The following ZNF34 variants were observed in gnomAD, a reference collection of about 807,000 sequenced individuals.
ZNF34 encodes zinc finger protein 34.
A neutral mutation model predicts 14.4 loss-of-function variants in ZNF34; 8 were observed. The ratio of observed to expected loss-of-function variants is 0.55; its 90% CI spans 0.33 to 1.00. The LOEUF is 1.00. Among genes scored for constraint, ZNF34 ranks in the 50% least tolerant of loss-of-function variants. The pLI, the probability that ZNF34 is intolerant of heterozygous loss-of-function variation, is 0.03. For synonymous variants in ZNF34, 235 were observed against 247.9 expected, an observed-to-expected ratio of 0.95 and a Z score of 0.49; for missense variants, 538 against 674.2, an observed-to-expected ratio of 0.80 and a Z score of 2.24.
At position 144,773,486 on chromosome 8, in the gene ZNF34, G is replaced by C. The variant is rs267601830; in HGVS notation, c.1400C>G (p.Ser467Cys). The C allele has an allele frequency of 1.2e-6, 2 of 1,614,100 alleles. No individual in the cohort carries two copies. Among genetic ancestry groups the C allele is most frequent in the Non-Finnish European group, 1.7e-6 (2 of 1,180,028 alleles). Residue 467 changes from serine (S) to cysteine (C), a missense_variant, in exon 6 of 6, where the codon TCC becomes TGC. This residue lies in a region of ZNF34 where 101 missense variants were observed against 123.1 expected (regional missense o/e 0.82). Coordinates refer to ENST00000429371, the MANE Select transcript of ZNF34 (RefSeq NM_001286769.2). This position sits in a 1 kb window ranked among gnomAD's most constrained non-coding sequence, Gnocchi z 5.4. ...CAGCCTCTGGTGGTGGATGAGTCTG[G>C]AACTGTTGTGGAAGGCCTTCCCACA... ...SECGKAFHNS[S>C]RLIHHQRLHH... is the part of the protein sequence containing the mutation.
intron 5 of ZNF34, among the ~76,000 whole-genome samples, chr8:144,775,919 C>T (rs1825485111): frequency 6.6e-6 from 1 of 152,230 alleles, no homozygotes; most frequent in African/African-American, 2.4e-5. Context: ...TCAGAGCTAT[C>T]CAATCTTTTG....
Position 144,774,389 on chromosome 8 carries a change from C to A in ZNF34, c.497G>T (p.Arg166Ile), listed in dbSNP as rs1825366319. 5 of 1,613,440 alleles carry A rather than the reference C, an allele frequency of 3.1e-6. No individual in the cohort carries two copies. In the South Asian group the frequency reaches 4.4e-5, roughly 14 times the overall value. ...GTGAGGTCTCTGATCAGGAACAGGTCTTGACAGCAACCTGAGGTTTCCCCC... is the reference window on the plus strand; with the variant it reads ...GTGAGGTCTCTGATCAGGAACAGGTATTGACAGCAACCTGAGGTTTCCCCC... Reference protein sequence around the residue: ...ESGGNLRLLSRPVPDQRPHKC... With the variant: ...ESGGNLRLLSIPVPDQRPHKC... Residue 166 changes from arginine to isoleucine, a missense_variant, in exon 6 of 6, where the codon AGA becomes ATA. Coordinates refer to ENST00000429371, the MANE Select transcript of ZNF34 (RefSeq NM_001286769.2).
chr8:144,774,553 A>G lies in ZNF34; in HGVS notation c.333T>C (p.Gly111=), dbSNP rs1378549679. The change falls in exon 6 of 6, where the codon GGT becomes GGC. Residue 111 remains glycine, a synonymous_variant. Coordinates refer to ENST00000429371, the MANE Select transcript of ZNF34 (RefSeq NM_001286769.2). ...GCTCAGATCCCTGGGGATCTTCCTC[A>G]CCAAATGTCTCCTGTGAAGTCAACT... ...YKELTSQETF[G]EEDPQGSEPV... 2 of 1,613,732 alleles carry G rather than the reference A, an allele frequency of 1.2e-6. No individual in the cohort carries two copies. Among genetic ancestry groups the G allele is most frequent in the Non-Finnish European group, 1.7e-6 (2 of 1,179,872 alleles).
In ZNF34 at chr8:144,773,936, C is replaced by A; in HGVS notation, c.950G>T (p.Gly317Val). The change falls in exon 6 of 6, where the codon GGG becomes GTG. Residue 317 changes from glycine (G) to valine (V), a missense_variant. Around this residue, in one of 3 missense-constraint regions of ZNF34, gnomAD observed 431 missense variants for 525.7 expected, o/e 0.82. Transcript: ENST00000429371. The surrounding 1 kb of genome is among the most constrained non-coding windows in gnomAD (Gnocchi z 5.4). ...IHTGEKPYKC[G>V]ECGKHFSAYS... Reference sequence around the variant, plus strand: ...GGCGCTAAAGTGCTTCCCACACTCCCCACACTTGTAGGGTTTCTCCCCAGT... The same window carrying A: ...GGCGCTAAAGTGCTTCCCACACTCCACACACTTGTAGGGTTTCTCCCCAGT... The A allele has an allele frequency of 6.2e-7, 1 of 1,613,962 alleles. No individual in the cohort carries two copies. The highest frequency in any genetic ancestry group is 8.5e-7 in the Non-Finnish European group (1 of 1,180,004).
Position 144,777,210 on chromosome 8 carries a change from T to C in ZNF34, c.280+248A>G, listed in dbSNP as rs1248257370. Among the ~76,000 whole-genome samples, 1 of 152,090 alleles carries C rather than the reference T, an allele frequency of 6.6e-6. No individual in the cohort carries two copies. Among genetic ancestry groups the C allele is most frequent in the East Asian group, 1.9e-4 (1 of 5,172 alleles). ...TACTCACTCCCCTCTACACGGGACC[T>C]TGCCTGGAATGTCCATTCCTATTTT... On this transcript the variant is annotated intron_variant, in intron 5 of 5. Coordinates refer to ENST00000429371, the MANE Select transcript of ZNF34 (RefSeq NM_001286769.2). This position sits in a 1 kb window ranked among gnomAD's most constrained non-coding sequence, Gnocchi z 4.8.
At position 144,773,214 on chromosome 8, in the gene ZNF34, G is replaced by A. The variant is rs1382575615; in HGVS notation, c.*52C>T. ...TAAAGGGCAGAGTCAGGTGCCGGGG[G>A]CGCATGCAGGAAGTGCTCAGCTGGA... On this transcript the variant is annotated 3_prime_UTR_variant, in exon 6 of 6. Transcript: ENST00000429371. This position sits in a 1 kb window ranked among gnomAD's most constrained non-coding sequence, Gnocchi z 5.4. 10 of 1,531,672 alleles carry A rather than the reference G, an allele frequency of 6.5e-6. No individual in the cohort carries two copies. The highest frequency in any genetic ancestry group is 5.9e-5 in the Admixed American group (3 of 50,642). The allele number at this position is 1,531,672 out of a possible 1,614,324, so 94.9% of individuals were successfully genotyped here.
In ZNF34 at chr8:144,779,347, C is replaced by T. The variant is rs1012018823; in HGVS notation, c.-54-822G>A. Among the ~76,000 whole-genome samples the T allele has an allele frequency of 1.3e-5, 2 of 152,162 alleles. No homozygotes were observed. The highest frequency in any genetic ancestry group is 2.4e-5 in the African/African-American group (1 of 41,444). The stretch of plus-strand genomic sequence containing the variant: ...ACAGCTACGCTTGATGCACCGCTAC[C>T]TTTCTATCCCCATGTCCTCATGTCC... On this transcript the variant is annotated intron_variant, in intron 2 of 5. Transcript: ENST00000429371. The surrounding 1 kb of genome is among the most constrained non-coding windows in gnomAD (Gnocchi z 4.1).
In ZNF34 at chr8:144,773,971, C is replaced by T. The variant is rs1825330531; in HGVS notation, c.915G>A (p.Gln305=). Reference sequence around the variant, plus strand: ...AGGGTTTCTCCCCAGTGTGAATCCTCTGGTGCTTCATGAGGTTGGGCCTCC... The same window carrying T: ...AGGGTTTCTCCCCAGTGTGAATCCTTTGGTGCTTCATGAGGTTGGGCCTCC... The part of the protein sequence containing the change: ...FTRRPNLMKH[Q]RIHTGEKPYK... Residue 305 remains glutamine, a synonymous_variant, in exon 6 of 6, where the codon CAG becomes CAA. Coordinates refer to ENST00000429371, the MANE Select transcript of ZNF34 (RefSeq NM_001286769.2). This position sits in a 1 kb window ranked among gnomAD's most constrained non-coding sequence, Gnocchi z 5.4. 3 of 1,614,062 alleles carry T rather than the reference C, an allele frequency of 1.9e-6. No homozygotes were observed. Among genetic ancestry groups the T allele is most frequent in the Non-Finnish European group, 2.5e-6 (3 of 1,180,040 alleles).
chr8:144,776,707 C>T (rs796560709), intron 5 of ZNF34, among the ~76,000 whole-genome samples: 6 of 152,036 alleles, frequency 3.9e-5, no homozygotes, highest in Middle Eastern at 3.4e-3. Flanking sequence ...CCTAGGAGTT[C>T]GAGACAAGCC....
At position 144,773,830 on chromosome 8, in the gene ZNF34, A is replaced by T; in HGVS notation, c.1056T>A (p.Ser352Arg). 6.2e-7 allele frequency: 1 copy of T among 1,613,858 alleles called. No homozygotes were observed. The highest frequency in any genetic ancestry group is 8.5e-7 in the Non-Finnish European group (1 of 1,179,938). The stretch of plus-strand genomic sequence containing the variant: ...GATGTCGGATAAGGATTGAGCCATC[A>T]CTGAAGGCTTTCCCGCAGTCATTAC... ...YKCNDCGKAF[S>R]DGSILIRHRR... Residue 352 changes from serine (S) to arginine (R), a missense_variant, in exon 6 of 6, where the codon AGT becomes AGA. Coordinates refer to ENST00000429371, the MANE Select transcript of ZNF34 (RefSeq NM_001286769.2). This position sits in a 1 kb window ranked among gnomAD's most constrained non-coding sequence, Gnocchi z 5.4.
chr8:144,782,381 T>C (rs1171747259), intron 1 of ZNF34, among the ~76,000 whole-genome samples: 1 of 151,566 alleles, frequency 6.6e-6, no homozygotes, highest in Non-Finnish European at 1.5e-5. Flanking sequence ...TCCCAGTAAC[T>C]TGGGAGACTG....
chr8:144,783,073 G>A lies in ZNF34; in HGVS notation c.-107-2793C>T, dbSNP rs903686009. ...CCCATACTTTGGGAGGCCAAGGCGG[G>A]AAGATGGCTTGAACCCAGGAGTTCA... On this transcript the variant is annotated intron_variant, in intron 1 of 5. Transcript: ENST00000429371. Among the ~76,000 whole-genome samples the A allele has an allele frequency of 1.2e-4, 18 of 151,938 alleles. 1 individual carries two copies. Among genetic ancestry groups the A allele is most frequent in the Non-Finnish European group, 1.5e-5 (1 of 68,018 alleles).
At chr8:144,775,739 T>C (rs540685201) in intron 5 of ZNF34, among the ~76,000 whole-genome samples, 1 of 152,358 alleles carries the variant, frequency 6.6e-6, no homozygotes, top group East Asian at 1.9e-4. Context: ...ACAGTCTGTA[T>C]TTTAATCTGA....
At chr8:144,786,226 T>TC (rs1426219398) in intron 1 of ZNF34, among the ~76,000 whole-genome samples, 3 of 151,356 alleles carry the variant, frequency 2.0e-5, no homozygotes, top group East Asian at 3.9e-4. Context: ...GACCTAGTGA[T>TC]CCCCCCCGCG....
Position 144,778,122 on chromosome 8 carries a change from C to T in ZNF34, c.76G>A (p.Glu26Lys). 1.2e-6 allele frequency: 2 copies of T among 1,613,920 alleles called. No homozygotes were observed. Among genetic ancestry groups the T allele is most frequent in the South Asian group, 2.2e-5 (2 of 91,080 alleles). Reference protein sequence around the residue: ...FEDVAVYLSREEWGRLGPAQR... With the variant: ...FEDVAVYLSRKEWGRLGPAQR... ...GCAGGGCCCAGGCGGCCCCATTCCT[C>T]CCGGGAGAGGTACACAGCCACGTCC... Residue 26 changes from glutamate to lysine, a missense_variant, in exon 4 of 6, where the codon GAG (glutamate) becomes AAG (lysine). Glu to Lys is a moderately conservative substitution (Grantham distance 56). Around this residue, in one of 3 missense-constraint regions of ZNF34, gnomAD observed 431 missense variants for 525.7 expected, o/e 0.82. Transcript: ENST00000429371.
chr8:144,777,947 G>T lies in ZNF34; in HGVS notation c.160+91C>A. The T allele has an allele frequency of 6.5e-7, 1 of 1,549,520 alleles. No homozygotes were observed. ...CTGGGATAAAGGTCATCACCTATCT[G>T]TGCCCAGGGGGTGAGGCCCCTAGCC... On this transcript the variant is annotated intron_variant, in intron 4 of 5. Transcript: ENST00000429371. The surrounding 1 kb of genome is among the most constrained non-coding windows in gnomAD (Gnocchi z 4.8).
At position 144,772,896 on chromosome 8, in the gene ZNF34, T is replaced by C. The variant is rs905486514; in HGVS notation, c.*370A>G. Among the ~76,000 whole-genome samples the C allele has an allele frequency of 2.8e-4, 43 of 152,220 alleles. 2 individuals carry two copies. Among genetic ancestry groups the C allele is most frequent in the Non-Finnish European group, 7.3e-5 (5 of 68,044 alleles). On this transcript the variant is annotated 3_prime_UTR_variant, in exon 6 of 6. Transcript: ENST00000429371. ...TTAAAATATATGGTGCTCTCTTCAG[T>C]GTGAATTTTCTGATATTGAGGAAAT...
chr8:144,775,314 G>A (rs1825436696), intron 5 of ZNF34, among the ~76,000 whole-genome samples: 1 of 152,202 alleles, frequency 6.6e-6, no homozygotes, highest in Non-Finnish European at 1.5e-5. Flanking sequence ...TTGGAGGACG[G>A]CTTGGCAACC....
Position 144,774,319 on chromosome 8 carries a change from G to A in ZNF34, c.567C>T (p.Leu189=), listed in dbSNP as rs767890329. Residue 189 remains leucine (L), a synonymous_variant, in exon 6 of 6, where the codon CTC becomes CTT. Coordinates refer to ENST00000429371, the MANE Select transcript of ZNF34 (RefSeq NM_001286769.2). Reference sequence around the variant, plus strand: ...ACCTGTGTACACGCTTATGGTTGTTGAGATATGATCTCTGTTCAAAACTTT... The same window carrying A: ...ACCTGTGTACACGCTTATGGTTGTTAAGATATGATCTCTGTTCAAAACTTT... ...CEQSFEQRSY[L]NNHKRVHRSK... 6.2e-7 allele frequency: 1 copy of A among 1,612,364 alleles called. No homozygotes were observed. Among genetic ancestry groups the A allele is most frequent in the Non-Finnish European group, 8.5e-7 (1 of 1,179,070 alleles).
Sources: allele counts gnomAD v4.1 joint callset (sites outside exome capture counted in the v4.1 genomes callset), GRCh38; gene constraint gnomAD v4.1.1; regional missense constraint gnomAD v4.1.1; non-coding constraint Gnocchi (gnomAD v3.1); transcripts MANE v1.5; gene names NCBI Gene and HGNC (gene_info 2026-07-23, HGNC 2026-07-21).